Variants in ADGRG5 observed in about 807,000 individuals in gnomAD.
ADGRG5 encodes adhesion G protein-coupled receptor G5.
In ADGRG5, 37 loss-of-function variants were observed where a neutral mutation model predicts 53.2. The observed-to-expected ratio is 0.70, with a 90% confidence interval of 0.53 to 0.91. The LOEUF (loss-of-function observed/expected upper bound fraction) is 0.91, where lower values mean the gene tolerates loss of function less well. Among genes scored for constraint, ADGRG5 ranks in the 40% least tolerant of loss-of-function variants. The pLI is 0.00. For synonymous variants in ADGRG5, 277 were observed against 290.4 expected (o/e 0.95, Z 0.47); for missense variants, 614 against 675.8 (o/e 0.91, Z 1.01).
chr16:57,562,065 C>T lies in ADGRG5; in HGVS notation c.-29C>T. On this transcript the variant is annotated 5_prime_UTR_variant, in exon 2 of 12. Transcript: ENST00000349457. ...CATGCACCTTTTTCAGGGCCGGAGC[C>T]AGTTCTTGGAGGAGACTCTGCACAG... 7 of 1,515,068 alleles carry T rather than the reference C, an allele frequency of 4.6e-6. No homozygotes were observed. The highest frequency in any genetic ancestry group is 6.2e-6 in the Non-Finnish European group (7 of 1,127,342). 93.9% of individuals were successfully genotyped at this position (1,515,068 alleles called of 1,614,324 possible).
At chr16:57,572,176 A>G (rs1438760202) in intron 10 of ADGRG5, among the ~76,000 whole-genome samples, 3 of 151,728 alleles carry the variant, frequency 2.0e-5, no homozygotes, top group East Asian at 3.9e-4. Flanking sequence ...CCCAAACATC[A>G]GTTAAAAACC....
intron 1 of ADGRG5, among the ~76,000 whole-genome samples, chr16:57,547,277 A>C (rs2032641390): frequency 1.3e-5 from 2 of 152,234 alleles, no homozygotes; most frequent in Admixed American, 6.5e-5. Flanking sequence ...CCCTCAAAAA[A>C]GCATTATTAA....
intron 7 of ADGRG5, 57 bp from the exon 8 acceptor site, chr16:57,567,413 G>C: frequency 6.3e-7 from 1 of 1,586,412 alleles, no homozygotes; most frequent in Non-Finnish European, 8.5e-7. Context: ...TCTGACTGAG[G>C]CTGGGAGGAA....
At chr16:57,532,123 G>C in the ADGRG5 span, among the ~76,000 whole-genome samples, 116 of 152,258 alleles carry the variant, frequency 7.6e-4, no homozygotes, top group East Asian at 0.015. Context: ...ATGTGTGAGA[G>C]AGACCAGTGC....
Position 57,562,112 on chromosome 16 carries a change from CT to C in ADGRG5, c.23del (p.Phe8SerfsTer7). On this transcript the variant is annotated frameshift_variant, in exon 2 of 12. Coordinates refer to ENST00000349457, the MANE Select transcript of ADGRG5 (RefSeq NM_001304376.3). LOFTEE classifies it high-confidence loss of function. MDHCGA[L>X]FLCLCLLTLQ... is the part of the protein sequence containing the mutation. ...ACAGGGCATGGATCACTGTGGTGCC[CT>C]TTTCCTGTGCCTGTGCCTTCTGACT... 2 of 1,599,270 alleles carry C rather than the reference CT, an allele frequency of 1.3e-6. No individual in the cohort carries two copies. Among genetic ancestry groups the C allele is most frequent in the South Asian group, 1.1e-5 (1 of 89,672 alleles).
At chr16:57,575,358 C>A (rs2146849679) in intron 11 of ADGRG5, 80 bp from the exon 12 acceptor site, 2 of 1,358,850 alleles carry the variant, frequency 1.5e-6, no homozygotes, top group East Asian at 4.7e-5. Flanking sequence ...CCCAGGGAGG[C>A]CAGCTCGCTG....
chr16:57,532,364 T>C, the ADGRG5 span, among the ~76,000 whole-genome samples: 5 of 152,102 alleles, frequency 3.3e-5, no homozygotes, highest in Non-Finnish European at 7.4e-5. Flanking sequence ...CAGGCTCTGG[T>C]TCCATGTACA....
At chr16:57,561,469 T>G (rs1440601480) in intron 1 of ADGRG5, among the ~76,000 whole-genome samples, 1 of 152,228 alleles carries the variant, frequency 6.6e-6, no homozygotes, top group African/African-American at 2.4e-5. Flanking sequence ...TGAGAGGCTT[T>G]GTGCCTCCTT....
At chr16:57,531,870 A>C in the ADGRG5 span, among the ~76,000 whole-genome samples, 33 of 151,478 alleles carry the variant, frequency 2.2e-4, no homozygotes, top group African/African-American at 7.8e-4. Flanking sequence ...ACCTTCAACT[A>C]TGGAGCCAGG....
chr16:57,533,213 C>T, the ADGRG5 span, among the ~76,000 whole-genome samples: 6 of 152,100 alleles, frequency 3.9e-5, no homozygotes, highest in East Asian at 7.7e-4. Context: ...AGCAGGAGCA[C>T]GGAAGTTTTG....
intron 9 of ADGRG5, among the ~76,000 whole-genome samples, chr16:57,569,162 CCACCTTCAT>C (rs1463181556): frequency 5.9e-5 from 9 of 151,400 alleles, no homozygotes; most frequent in African/African-American, 2.2e-4. Flanking sequence ...ACCACCTCCT[CCACCTTCAT>C]CACCATCGTC....
rs1402864146 is a variant in ADGRG5 at position 57,575,661 on chromosome 16, G to T, written c.*123G>T. On this transcript the variant is annotated 3_prime_UTR_variant, in exon 12 of 12. Coordinates refer to ENST00000349457, the MANE Select transcript of ADGRG5 (RefSeq NM_001304376.3). ...CCAGAGGCCACTGTGACCGCCAAGG[G>T]GCCTTTTCCACTTCCACGGCCTCTC... 9.7e-6 allele frequency: 7 copies of T among 721,872 alleles called. No individual in the cohort carries two copies. The African/African-American group carries it at 1.2e-4, about 13-fold the overall frequency. 44.7% of individuals were successfully genotyped at this position (721,872 alleles called of 1,614,324 possible). A position where few individuals can be genotyped will look rare whatever the true frequency, so the allele number is the denominator to read the frequency against.
intron 1 of ADGRG5, among the ~76,000 whole-genome samples, chr16:57,556,973 G>A (rs2146781019): frequency 7.0e-6 from 1 of 143,452 alleles, no homozygotes; most frequent in Non-Finnish European, 1.5e-5. Flanking sequence ...GCAATGGCAT[G>A]ATCATGGCTC....
At chr16:57,535,852 A>ACC in the ADGRG5 span, among the ~76,000 whole-genome samples, 1 of 151,594 alleles carries the variant, frequency 6.6e-6, no homozygotes, top group African/African-American at 2.4e-5. Flanking sequence ...AACCAATCCA[A>ACC]CCCCCACAAG....
chr16:57,567,382 G>A (rs2033162345), intron 7 of ADGRG5, 88 bp from the exon 8 acceptor site: 2 of 1,458,208 alleles, frequency 1.4e-6, no homozygotes, highest in Admixed American at 1.9e-5. Flanking sequence ...GGGACTTGGA[G>A]AGGAGGCCTC....
chr16:57,576,802 A>C lies in ADGRG5; in HGVS notation c.*1264A>C, dbSNP rs2033529355. Reference sequence around the variant, plus strand: ...CTGCACCCCAGACATAGCTGGCACCAGAGCAGGGTGCTCAGGTGGTGGGTG... The same window carrying C: ...CTGCACCCCAGACATAGCTGGCACCCGAGCAGGGTGCTCAGGTGGTGGGTG... On this transcript the variant is annotated 3_prime_UTR_variant, in exon 12 of 12. Transcript: ENST00000349457. 6.6e-6 allele frequency: 1 copy of C among 152,256 alleles called. No individual in the cohort carries two copies. The highest frequency in any genetic ancestry group is 1.5e-5 in the Non-Finnish European group (1 of 68,048). 9.4% of individuals were successfully genotyped at this position (152,256 alleles called of 1,614,324 possible).
chr16:57,548,280 AG>A, intron 1 of ADGRG5, among the ~76,000 whole-genome samples: 1 of 152,080 alleles, frequency 6.6e-6, no homozygotes, highest in East Asian at 1.9e-4. Context: ...AATGCACAGA[AG>A]GTTGCAAAAA....
chr16:57,564,258 A>G (rs1451548944), intron 5 of ADGRG5, among the ~76,000 whole-genome samples: 1 of 151,986 alleles, frequency 6.6e-6, no homozygotes, highest in African/African-American at 2.4e-5. Flanking sequence ...GGCACTTATT[A>G]TTCCCTGCCC....
At chr16:57,533,682 C>T in the ADGRG5 span, among the ~76,000 whole-genome samples, 1 of 151,066 alleles carries the variant, frequency 6.6e-6, no homozygotes, top group East Asian at 1.9e-4. Context: ...TCACACACAG[C>T]CCCAGTAACG....
Sources: gnomAD v4.1 joint callset for allele counts (sites outside exome capture counted in the v4.1 genomes callset) on GRCh38, gnomAD v4.1.1 for gene constraint, MANE v1.5 for transcripts, NCBI Gene and HGNC (gene_info 2026-07-23, HGNC 2026-07-21) for gene names.